DMD: variants seen among roughly 807,000 people sequenced by gnomAD.
DMD encodes mutant dystrophin.
In DMD, 63 loss-of-function variants were observed where a neutral mutation model predicts 330.1. The ratio of observed to expected loss-of-function variants is 0.19; its 90% CI spans 0.16 to 0.24. The LOEUF (loss-of-function observed/expected upper bound fraction) is 0.24, where lower values mean the gene tolerates loss of function less well. DMD is among the 10% of genes least tolerant of loss of function. DMD has a pLI of 1.00. For missense variants in DMD, 3,344 were observed against 2,684.1 expected, an observed-to-expected ratio of 1.25 and a Z score of -5.43; for synonymous variants, 1,223 against 959.8, an observed-to-expected ratio of 1.27 and a Z score of -5.07.
At position 32,406,157 on chromosome X, in the gene DMD, G is replaced by T. The variant is rs779574634; in HGVS notation, c.4233+5595C>A. Among the ~76,000 whole-genome samples, 22 of 111,524 alleles carry T rather than the reference G, an allele frequency of 2.0e-4. No individual in the cohort carries two copies. In the South Asian group the frequency reaches 2.3e-3, roughly 11 times the overall value. On this transcript the variant is annotated intron_variant, in intron 30 of 78. Transcript: ENST00000357033. ...TCAGCTTAAGGAGATTTTGGGCTGA[G>T]ACAATGGGGTTTTCTAGATATACAA...
At chrX:32,056,201 C>A (rs1318243296) in intron 44 of DMD, among the ~76,000 whole-genome samples, 4 of 109,527 alleles carry the variant, frequency 3.7e-5, no homozygotes, top group Non-Finnish European at 7.6e-5. Context: ...CATGTCCTTG[C>A]CATTTTCTTC....
chrX:32,965,868 G>T (rs2092132193), intron 2 of DMD, among the ~76,000 whole-genome samples: 1 of 111,616 alleles, frequency 9.0e-6, no homozygotes, highest in African/African-American at 3.3e-5. Context: ...AGTTTGTCTA[G>T]GTCCCCAGAG....
At chrX:31,790,082 A>C (rs978569132) in intron 50 of DMD, among the ~76,000 whole-genome samples, 1 of 112,206 alleles carries the variant, frequency 8.9e-6, no homozygotes, top group Non-Finnish European at 1.9e-5. Flanking sequence ...TATACTTAAT[A>C]ACTATTTCTA....
At chrX:33,264,288 A>G (rs762915384) in intron 1 of DMD, among the ~76,000 whole-genome samples, 1 of 111,456 alleles carries the variant, frequency 9.0e-6, no homozygotes, top group African/African-American at 3.3e-5. Context: ...ATAAAACTTC[A>G]TGTACCTTTC....
chrX:32,638,999 A>C (rs1332476799), intron 11 of DMD, among the ~76,000 whole-genome samples: 1 of 111,453 alleles, frequency 9.0e-6, no homozygotes, highest in Non-Finnish European at 1.9e-5. Flanking sequence ...TTGTGTATCT[A>C]CCCAGATACT....
chrX:32,979,990 A>G (rs2092660077), intron 2 of DMD, among the ~76,000 whole-genome samples: 1 of 111,713 alleles, frequency 9.0e-6, no homozygotes, highest in African/African-American at 3.3e-5. Context: ...TAAACTTTAC[A>G]GTAATGGACA....
chrX:31,961,072 G>A (rs762406742), intron 45 of DMD, among the ~76,000 whole-genome samples: 1 of 112,079 alleles, frequency 8.9e-6, no homozygotes, highest in Non-Finnish European at 1.9e-5. Context: ...GTGAGAGTAG[G>A]ATAAACAAAT....
At chrX:31,935,814 G>T (rs1407997224) in intron 45 of DMD, among the ~76,000 whole-genome samples, 1 of 110,859 alleles carries the variant, frequency 9.0e-6, no homozygotes, top group Non-Finnish European at 1.9e-5. Flanking sequence ...TAAGGAGCAG[G>T]AAAAAGTAAT....
intron 34 of DMD, among the ~76,000 whole-genome samples, chrX:32,374,717 T>C (rs2097894411): frequency 9.0e-6 from 1 of 111,562 alleles, no homozygotes; most frequent in South Asian, 3.8e-4. Context: ...CTTTGTAGTA[T>C]ATTTTAAGTG....
chrX:31,758,157 T>C (rs1185295663), intron 51 of DMD, among the ~76,000 whole-genome samples: 5 of 111,788 alleles, frequency 4.5e-5, no homozygotes, highest in Non-Finnish European at 9.4e-5. Flanking sequence ...GGGACTGATT[T>C]CTAGAATGCT....
chrX:31,321,125 T>C (rs1601846765), intron 62 of DMD, among the ~76,000 whole-genome samples: 1 of 112,031 alleles, frequency 8.9e-6, no homozygotes, highest in East Asian at 2.8e-4. Flanking sequence ...TTACATTATG[T>C]TCATTAAAAT....
In DMD at chrX:31,956,919, T is replaced by C. The variant is rs138557438; in HGVS notation, c.6614+11420A>G. On this transcript the variant is annotated intron_variant, in intron 45 of 78. Coordinates refer to ENST00000357033, the MANE Select transcript of DMD (RefSeq NM_004006.3). ...TGGAATCTGATGGGGGAAGTTCAGT[T>C]TTTGAATCTGGAATGAGTGACAGAA... is the stretch of plus-strand genomic sequence containing the variant. Among the ~76,000 whole-genome samples, 470 of 112,307 alleles carry C rather than the reference T, an allele frequency of 4.2e-3. 2 individuals are homozygous for C. The highest frequency in any genetic ancestry group is 0.014 in the African/African-American group (433 of 30,970).
At chrX:32,357,677 A>T (rs1005826253) in intron 37 of DMD, among the ~76,000 whole-genome samples, 210 of 108,823 alleles carry the variant, frequency 1.9e-3, no homozygotes, top group Non-Finnish European at 3.2e-3. Context: ...ACACACACAC[A>T]CACACACACA....
chrX:33,296,352 T>A (rs1379984641), intron 1 of DMD, among the ~76,000 whole-genome samples: 2 of 111,172 alleles, frequency 1.8e-5, no homozygotes, highest in East Asian at 2.8e-4. Context: ...ATTCTATAAA[T>A]TATAGCAGTT....
intron 1 of DMD, among the ~76,000 whole-genome samples, chrX:33,070,639 A>ATCTC (rs1291687487): frequency 0.014 from 304 of 21,288 alleles, 7 homozygotes; most frequent in Non-Finnish European, 0.021. Flanking sequence ...GTATCTATCC[A>ATCTC]TCTCTCTCTC....
At chrX:31,228,351 A>G (rs1428812078) in intron 63 of DMD, among the ~76,000 whole-genome samples, 1 of 110,441 alleles carries the variant, frequency 9.1e-6, no homozygotes, top group Admixed American at 9.6e-5. Context: ...ATACAAATGT[A>G]TATCTGGTAA....
chrX:31,513,164 G>C (rs1191725454), intron 55 of DMD, among the ~76,000 whole-genome samples: 1 of 93,141 alleles, frequency 1.1e-5, no homozygotes, highest in African/African-American at 4.0e-5. Context: ...AAGAATGCTT[G>C]TGATTTTTGT....
At chrX:32,872,831 T>G (rs982304987) in intron 2 of DMD, among the ~76,000 whole-genome samples, 1 of 111,549 alleles carries the variant, frequency 9.0e-6, no homozygotes, top group Non-Finnish European at 1.9e-5. Context: ...GTAGGAGAGA[T>G]ATGATCTAGT....
intron 7 of DMD, chrX:32,756,109 G>A (rs1400973989): frequency 1.1e-4 from 12 of 112,182 alleles, no homozygotes; most frequent in Non-Finnish European, 1.9e-4. Flanking sequence ...TTAAATCTTA[G>A]TAACATTTTC....
Sources: allele counts gnomAD v4.1 joint callset (sites outside exome capture counted in the v4.1 genomes callset), GRCh38; gene constraint gnomAD v4.1.1; transcripts MANE v1.5; gene names NCBI Gene and HGNC (gene_info 2026-07-23, HGNC 2026-07-21).